The following HS3ST4 variants were observed in gnomAD, a reference collection of about 807,000 sequenced individuals.
The protein encoded by HS3ST4 is heparan sulfate glucosamine 3-O-sulfotransferase 4.
Under a neutral mutation model 29.2 loss-of-function variants are expected in HS3ST4, and 17 were observed. The observed-to-expected ratio is 0.58, with a 90% CI of 0.40 to 0.87. The LOEUF (loss-of-function observed/expected upper bound fraction) is 0.87, where lower values mean the gene tolerates loss of function less well. HS3ST4 is among the 40% of genes least tolerant of loss of function. HS3ST4 has a pLI of 0.00. For synonymous variants in HS3ST4, 314 were observed against 285.7 expected (o/e 1.10, Z -1.00); for missense variants, 627 against 634.5 (o/e 0.99, Z 0.13).
chr16:26,073,222 A>T (rs1038327624), intron 1 of HS3ST4, among the ~76,000 whole-genome samples: 2 of 152,230 alleles, frequency 1.3e-5, no homozygotes, highest in Non-Finnish European at 1.5e-5. Context: ...TTTAGAAAGA[A>T]TGCAGCCCCC....
rs545744299 is a variant in HS3ST4, at chr16:25,968,295, G to A, written c.735-167317G>A. On this transcript the variant is annotated intron_variant, in intron 1 of 1. Coordinates refer to ENST00000331351, the MANE Select transcript of HS3ST4 (RefSeq NM_006040.3). ...GTGCTCTGTATGGCCAACACAGTGC[G>A]ACATTTAAATCTGGAAATTTCACCT... Among the ~76,000 whole-genome samples the A allele has an allele frequency of 1.1e-3, 166 of 152,256 alleles. 1 individual carries two copies. The highest frequency in any genetic ancestry group is 3.3e-3 in the Admixed American group (51 of 15,302).
chr16:25,980,549 G>A (rs1000682264), intron 1 of HS3ST4, among the ~76,000 whole-genome samples: 1 of 152,130 alleles, frequency 6.6e-6, no homozygotes, highest in Non-Finnish European at 1.5e-5. Flanking sequence ...CATCTCCTGT[G>A]GTTCCTGGAA....
At chr16:25,854,011 T>C (rs1212558269) in intron 1 of HS3ST4, among the ~76,000 whole-genome samples, 1 of 152,350 alleles carries the variant, frequency 6.6e-6, no homozygotes, top group South Asian at 2.1e-4. Flanking sequence ...ATTACTGATT[T>C]GATCTCCCTA....
rs546525584 is a variant in HS3ST4, at chr16:25,889,026, G to T, written c.734+195875G>T. 2.4e-4 allele frequency among the ~76,000 whole-genome samples: 37 copies of T among 152,280 alleles called. 1 individual carries two copies. Among genetic ancestry groups the T allele is most frequent in the Non-Finnish European group, 2.8e-4 (19 of 68,018 alleles). ...GGGTGTCAGGGTTTCCAAGACACTGGATTTCCATTGACTGCTATAACCTTG... is the reference window on the plus strand; with the variant it reads ...GGGTGTCAGGGTTTCCAAGACACTGTATTTCCATTGACTGCTATAACCTTG... On this transcript the variant is annotated intron_variant, in intron 1 of 1. Coordinates refer to ENST00000331351, the MANE Select transcript of HS3ST4 (RefSeq NM_006040.3).
chr16:26,031,175 G>C (rs1969527161), intron 1 of HS3ST4, among the ~76,000 whole-genome samples: 1 of 152,168 alleles, frequency 6.6e-6, no homozygotes, highest in South Asian at 2.1e-4. Context: ...TACCTGCCTT[G>C]GGCATGTTGC....
intron 1 of HS3ST4, among the ~76,000 whole-genome samples, chr16:25,744,412 T>C (rs1014310700): frequency 2.0e-5 from 3 of 152,186 alleles, no homozygotes; most frequent in Non-Finnish European, 4.4e-5. Context: ...GCTGCAGGTA[T>C]GAGTTAGGAC....
At chr16:25,806,856 C>T (rs1388029870) in intron 1 of HS3ST4, among the ~76,000 whole-genome samples, 1 of 151,952 alleles carries the variant, frequency 6.6e-6, no homozygotes, top group Non-Finnish European at 1.5e-5. Flanking sequence ...CATATGGGTG[C>T]GTGTGTGTGC....
chr16:25,698,837 G>C (rs1966316196), intron 1 of HS3ST4, among the ~76,000 whole-genome samples: 1 of 152,166 alleles, frequency 6.6e-6, no homozygotes, highest in South Asian at 2.1e-4. Context: ...CACAACTTCA[G>C]GGCTCAGACA....
At chr16:25,931,432 G>A (rs1254187313) in intron 1 of HS3ST4, among the ~76,000 whole-genome samples, 3 of 152,208 alleles carry the variant, frequency 2.0e-5, no homozygotes, top group East Asian at 1.9e-4. Context: ...CAGGAACAAG[G>A]CCTAAAAATA....
intron 1 of HS3ST4, among the ~76,000 whole-genome samples, chr16:26,030,111 G>T (rs1969518561): frequency 6.6e-6 from 1 of 152,170 alleles, no homozygotes; most frequent in Non-Finnish European, 1.5e-5. Flanking sequence ...ATAGATTTTT[G>T]TCTCATCTTC....
intron 1 of HS3ST4, among the ~76,000 whole-genome samples, chr16:25,855,557 T>A (rs550775676): frequency 3.9e-5 from 6 of 152,358 alleles, no homozygotes; most frequent in African/African-American, 1.4e-4. Context: ...TGGTATCTTA[T>A]TGGCAAGGAG....
intron 1 of HS3ST4, among the ~76,000 whole-genome samples, chr16:26,128,962 C>G (rs1596691939): frequency 6.6e-6 from 1 of 152,184 alleles, no homozygotes; most frequent in South Asian, 2.1e-4. Context: ...ACCATTTGTT[C>G]CACTGGATAA....
intron 1 of HS3ST4, among the ~76,000 whole-genome samples, chr16:25,748,203 C>T (rs1966696580): frequency 6.6e-6 from 1 of 152,126 alleles, no homozygotes; most frequent in African/African-American, 2.4e-5. Context: ...TGGGCGTGCT[C>T]ACATATGGCA....
intron 1 of HS3ST4, among the ~76,000 whole-genome samples, chr16:25,835,555 A>G (rs968526369): frequency 1.3e-5 from 2 of 152,306 alleles, no homozygotes; most frequent in East Asian, 1.9e-4. Context: ...CCATCAATAG[A>G]GAAAAATGCT....
At chr16:25,873,324 T>TCCATCCATCCA (rs1390499399) in intron 1 of HS3ST4, among the ~76,000 whole-genome samples, 45 of 50,408 alleles carry the variant, frequency 8.9e-4, no homozygotes, top group Middle Eastern at 0.024. Context: ...CCATCCATCC[T>TCCATCCATCCA]TCCTTCCTTC....
In HS3ST4 at chr16:26,064,610, CTTTTTTTTTTTTT is replaced by C. The variant is rs869047078; in HGVS notation, c.735-70990_735-70978del. Among the ~76,000 whole-genome samples, 5 of 88,980 alleles carry C rather than the reference CTTTTTTTTTTTTT, an allele frequency of 5.6e-5. No individual in the cohort carries two copies. In the East Asian group the frequency reaches 1.5e-3, roughly 26 times the overall value. The allele number at this position is 88,980 out of a possible 152,430, so 58.4% of individuals were successfully genotyped here. ...CAGAGACAGCAGCTAGGATTGTAGT[CTTTTTTTTTTTTT>C]TTTTTTTTTTTGAGACAGAGTTTCA... On this transcript the variant is annotated intron_variant, in intron 1 of 1. Coordinates refer to ENST00000331351, the MANE Select transcript of HS3ST4 (RefSeq NM_006040.3).
rs1280009517 is a variant in HS3ST4 at position 25,692,626 on chromosome 16, GCGC to G, written c.218_220del (p.Ala73del). 2 of 1,370,654 alleles carry G rather than the reference GCGC, an allele frequency of 1.5e-6. No homozygotes were observed. The highest frequency in any genetic ancestry group is 1.9e-6 in the Non-Finnish European group (2 of 1,052,216). The allele number at this position is 1,370,654 out of a possible 1,614,324, so 84.9% of individuals were successfully genotyped here. Reference sequence around the variant, plus strand: ...CCTCTGGCGCTGCAGGAGTCGCCGGGCGCCGCCGCCGAGCCCCCGCCGAGCCCG... The same window carrying G: ...CCTCTGGCGCTGCAGGAGTCGCCGGGCGCCGCCGAGCCCCCGCCGAGCCCG... On this transcript the variant is annotated inframe_deletion, in exon 1 of 2. Transcript: ENST00000331351.
rs1969286912 is a variant in HS3ST4 at position 26,009,207 on chromosome 16, CAT to C, written c.735-126404_735-126403del. ...GGAAGTCTTCTCTGATCCCTGATCACATGATTCCATCAGTTAATTTCATTACA... is the reference window on the plus strand; with the variant it reads ...GGAAGTCTTCTCTGATCCCTGATCACGATTCCATCAGTTAATTTCATTACA... On this transcript the variant is annotated intron_variant, in intron 1 of 1. Coordinates refer to ENST00000331351, the MANE Select transcript of HS3ST4 (RefSeq NM_006040.3). Among the ~76,000 whole-genome samples, 3 of 152,240 alleles carry C rather than the reference CAT, an allele frequency of 2.0e-5. No homozygotes were observed. In the South Asian group the frequency reaches 6.2e-4, roughly 32 times the overall value.
rs547637259 is a variant in HS3ST4, at chr16:26,041,674, G to GA, written c.735-93929dup. Among the ~76,000 whole-genome samples, 341 of 150,550 alleles carry GA rather than the reference G, an allele frequency of 2.3e-3. 2 individuals are homozygous for GA. Among genetic ancestry groups the GA allele is most frequent in the South Asian group, 0.014 (65 of 4,748 alleles). ...TACTCAACTTGGCTGTCGAGACATA[G>GA]AAAAAAAAATGAGTGTGGTTGTGTT... On this transcript the variant is annotated intron_variant, in intron 1 of 1. Transcript: ENST00000331351.
Sources: allele counts gnomAD v4.1 joint callset (sites outside exome capture counted in the v4.1 genomes callset), GRCh38; gene constraint gnomAD v4.1.1; transcripts MANE v1.5; gene names NCBI Gene and HGNC (gene_info 2026-07-23, HGNC 2026-07-21).